The following NYAP2 variants were observed in gnomAD, a reference collection of about 807,000 sequenced individuals.
NYAP2 encodes the protein neuronal tyrosine-phosphorylated phosphoinositide-3-kinase adapter 2.
Under a neutral mutation model 50.4 loss-of-function variants are expected in NYAP2, and 23 were observed. The ratio of observed to expected loss-of-function variants is 0.46; its 90% CI spans 0.33 to 0.65. NYAP2 has a LOEUF of 0.65. NYAP2 is among the 30% of genes least tolerant of loss of function. The pLI is 0.02. For synonymous variants in NYAP2, 394 were observed against 365.2 expected, an observed-to-expected ratio of 1.08 and a Z score of -0.90; for missense variants, 885 against 861.0, an observed-to-expected ratio of 1.03 and a Z score of -0.35.
chr2:225,598,490 T>G (rs1311006187), intron 5 of NYAP2, among the ~76,000 whole-genome samples: 1 of 152,172 alleles, frequency 6.6e-6, no homozygotes, highest in Admixed American at 6.5e-5. Context: ...GTGTTGTTTC[T>G]AAGTACATTC....
At chr2:225,516,176 G>A (rs1036895082) in intron 4 of NYAP2, among the ~76,000 whole-genome samples, 1 of 152,082 alleles carries the variant, frequency 6.6e-6, no homozygotes, top group Non-Finnish European at 1.5e-5. Context: ...CATTCATTTG[G>A]GATGTTTCAT....
intron 3 of NYAP2, among the ~76,000 whole-genome samples, chr2:225,498,578 T>A (rs2106175930): frequency 6.6e-6 from 1 of 151,938 alleles, no homozygotes; most frequent in Non-Finnish European, 1.5e-5. Flanking sequence ...GGACTTTTTT[T>A]TTTTTTAGGT....
chr2:225,564,481 A>G (rs1038050079), intron 4 of NYAP2, among the ~76,000 whole-genome samples: 1 of 151,836 alleles, frequency 6.6e-6, no homozygotes, highest in African/African-American at 2.4e-5. Flanking sequence ...AGACGAAACC[A>G]TTTTCCTCAT....
intron 3 of NYAP2, among the ~76,000 whole-genome samples, chr2:225,442,459 TG>T (rs2106141714): frequency 6.6e-6 from 1 of 152,370 alleles, no homozygotes; most frequent in African/African-American, 2.4e-5. Flanking sequence ...ATTTCCTGTC[TG>T]AGTTTCTGGA....
rs537754483 is a variant in NYAP2, at chr2:225,518,719, G to A, written c.523+5047G>A. Among the ~76,000 whole-genome samples the A allele has an allele frequency of 2.1e-3, 304 of 144,714 alleles. 2 individuals are homozygous for A. The highest frequency in any genetic ancestry group is 7.5e-3 in the African/African-American group (292 of 38,764). 94.9% of individuals were successfully genotyped at this position (144,714 alleles called of 152,430 possible). A position where few individuals can be genotyped will look rare whatever the true frequency, so the allele number is the denominator to read the frequency against. On this transcript the variant is annotated intron_variant, in intron 4 of 6. Coordinates refer to ENST00000636099, the Ensembl canonical transcript of NYAP2. ...TACATGGCAAATATACACAATTTTTGCCAATTAAAAATAAATAGGCCAGGC... is the reference window on the plus strand; with the variant it reads ...TACATGGCAAATATACACAATTTTTACCAATTAAAAATAAATAGGCCAGGC...
chr2:225,529,252 A>C (rs1232884010), intron 4 of NYAP2, among the ~76,000 whole-genome samples: 1 of 152,160 alleles, frequency 6.6e-6, no homozygotes, highest in Non-Finnish European at 1.5e-5. Flanking sequence ...ACCTAAAGGA[A>C]ATCGATGCCA....
chr2:225,698,353 A>T, the NYAP2 span: 1 of 152,320 alleles, frequency 6.6e-6, no homozygotes, highest in Non-Finnish European at 1.5e-5. Flanking sequence ...AGACCATACA[A>T]TGCTTGAGAT....
chr2:225,466,691 T>C (rs1179561148), intron 3 of NYAP2, among the ~76,000 whole-genome samples: 5 of 152,130 alleles, frequency 3.3e-5, no homozygotes, highest in African/African-American at 1.2e-4. Context: ...AGTCAAAACA[T>C]GAGGTATGAA....
intron 3 of NYAP2, among the ~76,000 whole-genome samples, chr2:225,428,245 T>C (rs1003132152): frequency 2.0e-5 from 3 of 152,214 alleles, no homozygotes; most frequent in African/African-American, 7.2e-5. Context: ...TCATAGTTGA[T>C]TATTGCCCTT....
intron 4 of NYAP2, among the ~76,000 whole-genome samples, chr2:225,573,719 C>T (rs912559208): frequency 6.6e-6 from 1 of 152,138 alleles, no homozygotes; most frequent in South Asian, 2.1e-4. Context: ...CAATCTTTCT[C>T]CTCTGTGTGG....
intron 5 of NYAP2, among the ~76,000 whole-genome samples, chr2:225,608,511 A>G (rs939741612): frequency 5.3e-5 from 8 of 152,114 alleles, no homozygotes; most frequent in Non-Finnish European, 1.2e-4. Context: ...TCAATTTGTT[A>G]CTTCTTTTCT....
intron 3 of NYAP2, among the ~76,000 whole-genome samples, chr2:225,479,982 A>T (rs537972937): frequency 1.9e-4 from 29 of 152,138 alleles, no homozygotes; most frequent in Non-Finnish European, 1.5e-5. Flanking sequence ...TACTTCTTTT[A>T]CTTGTCTACT....
intron 4 of NYAP2, among the ~76,000 whole-genome samples, chr2:225,579,038 A>G (rs1470473479): frequency 6.6e-6 from 1 of 151,992 alleles, no homozygotes; most frequent in Non-Finnish European, 1.5e-5. Context: ...ACGTGCACGC[A>G]CACACACGCG....
chr2:225,405,791 G>C (rs1694931823), intron 2 of NYAP2, among the ~76,000 whole-genome samples: 1 of 151,918 alleles, frequency 6.6e-6, no homozygotes, highest in South Asian at 2.1e-4. Flanking sequence ...GGACAATGGG[G>C]GACAATGGTT....
chr2:225,579,412 C>T (rs1692232137), intron 4 of NYAP2, among the ~76,000 whole-genome samples: 1 of 152,178 alleles, frequency 6.6e-6, no homozygotes, highest in South Asian at 2.1e-4. Context: ...AATGGATTGT[C>T]CAGATTCCTT....
At chr2:225,576,175 G>A (rs574416128) in intron 4 of NYAP2, among the ~76,000 whole-genome samples, 1 of 152,296 alleles carries the variant, frequency 6.6e-6, no homozygotes, top group African/African-American at 2.4e-5. Flanking sequence ...TTTAAGCCAA[G>A]ACCCTTTCAG....
chr2:225,462,429 G>C (rs923645804), intron 3 of NYAP2, among the ~76,000 whole-genome samples: 1 of 151,150 alleles, frequency 6.6e-6, no homozygotes, highest in Non-Finnish European at 1.5e-5. Context: ...CCTTTCTTTT[G>C]TGCCTTGAGA....
chr2:225,434,189 C>G (rs914904303), intron 3 of NYAP2, among the ~76,000 whole-genome samples: 3 of 152,150 alleles, frequency 2.0e-5, no homozygotes, highest in African/African-American at 7.2e-5. Context: ...TCTGGAGCTG[C>G]AATAGGTAAG....
chr2:225,559,286 G>A (rs1316539720), intron 4 of NYAP2, among the ~76,000 whole-genome samples: 1 of 151,678 alleles, frequency 6.6e-6, no homozygotes, highest in East Asian at 1.9e-4. Context: ...CAACTCCATC[G>A]CTCATTTATC....
Sources: gnomAD v4.1 joint callset for allele counts (sites outside exome capture counted in the v4.1 genomes callset) on GRCh38, gnomAD v4.1.1 for gene constraint, MANE v1.5 for transcripts, NCBI Gene and HGNC (gene_info 2026-07-23, HGNC 2026-07-21) for gene names.